The following HOOK1 variants were observed in gnomAD, a reference collection of about 807,000 sequenced individuals.
HOOK1 encodes protein Hook homolog 1.
Under a neutral mutation model 112.8 loss-of-function variants are expected in HOOK1, and 60 were observed. The ratio of observed to expected loss-of-function variants is 0.53; its 90% CI spans 0.43 to 0.66. The LOEUF is 0.66. HOOK1 is among the 30% of genes least tolerant of loss of function. The pLI is 0.00. For missense variants in HOOK1, 770 were observed against 856.0 expected (o/e 0.90, Z 1.25); for synonymous variants, 294 against 283.8 (o/e 1.04, Z -0.36).
At chr1:59,862,506 A>ATTT (rs1406859815) in intron 15 of HOOK1, among the ~76,000 whole-genome samples, 1 of 152,162 alleles carries the variant, frequency 6.6e-6, no homozygotes. Flanking sequence ...TCTACCAGTG[A>ATTT]GTGCGGTGTA....
chr1:59,873,073 C>A lies in HOOK1; in HGVS notation c.*108C>A. On this transcript the variant is annotated 3_prime_UTR_variant, in exon 22 of 22. Transcript: ENST00000371208. ...CCAGATTGAAAAAGAGTTTATGATGCGGGATATCAGGTATTTTAAAATCAA... is the reference window on the plus strand; with the variant it reads ...CCAGATTGAAAAAGAGTTTATGATGAGGGATATCAGGTATTTTAAAATCAA... The A allele has an allele frequency of 2.3e-6, 2 of 877,144 alleles. No individual in the cohort carries two copies. Among genetic ancestry groups the A allele is most frequent in the South Asian group, 4.6e-5 (1 of 21,828 alleles). The allele number at this position is 877,144 out of a possible 1,614,324, so 54.3% of individuals were successfully genotyped here.
At position 59,843,489 on chromosome 1, in the gene HOOK1, G is replaced by C. The variant is rs1012031598; in HGVS notation, c.679G>C (p.Glu227Gln). ...GGTTTCTGAAAATGAGATGATGAAT[G>C]AAAAACTTGACCAGTTGGATGGCTC... ...SLVSENEMMN[E>Q]KLDQLDGSFD... The change falls in exon 9 of 22, where the codon GAA (glutamate) becomes CAA (glutamine). Residue 227 changes from glutamate (E) to glutamine (Q), a missense_variant. By Grantham distance (29) the Glu-to-Gln change is conservative. Around this residue, in one of 3 missense-constraint regions of HOOK1, gnomAD observed 655 missense variants for 725.9 expected, o/e 0.90. Transcript: ENST00000371208. 2 of 1,610,676 alleles carry C rather than the reference G, an allele frequency of 1.2e-6. No individual in the cohort carries two copies. Among genetic ancestry groups the C allele is most frequent in the African/African-American group, 2.7e-5 (2 of 74,530 alleles).
rs555062740 is a variant in HOOK1 at position 59,858,091 on chromosome 1, A to G, written c.1243-337A>G. Among the ~76,000 whole-genome samples, 10 of 152,364 alleles carry G rather than the reference A, an allele frequency of 6.6e-5. 1 individual carries two copies. In the South Asian group the frequency reaches 1.0e-3, roughly 16 times the overall value. ...GCCAAAGAGTTATATAAGTTGCCTAAGACAATATAGCTAGGAAGTGGTGAA... is the reference window on the plus strand; with the variant it reads ...GCCAAAGAGTTATATAAGTTGCCTAGGACAATATAGCTAGGAAGTGGTGAA... On this transcript the variant is annotated intron_variant, in intron 12 of 21. Coordinates refer to ENST00000371208, the MANE Select transcript of HOOK1 (RefSeq NM_015888.6).
Position 59,872,843 on chromosome 1 carries a change from G to A in HOOK1, c.2065G>A (p.Gly689Ser), listed in dbSNP as rs1008809819. Residue 689 changes from glycine (G) to serine (S), a missense_variant, in exon 22 of 22, where the codon GGT becomes AGT. This residue lies in a region of HOOK1 where 111 missense variants were observed against 111.8 expected (regional missense o/e 0.99). Transcript: ENST00000371208. ...GATGGAATCTAGACTTGTGAGCGGC[G>A]GTGGTGCCTGCAGTGACACTGGTGC... Reference protein sequence around the residue: ...LGMESRLVSGGGACSDTGACT... With the variant: ...LGMESRLVSGSGACSDTGACT... 1.3e-5 allele frequency: 20 copies of A among 1,483,060 alleles called. No individual in the cohort carries two copies. The highest frequency in any genetic ancestry group is 5.1e-5 in the East Asian group (2 of 39,008). The allele number at this position is 1,483,060 out of a possible 1,614,324, so 91.9% of individuals were successfully genotyped here.
chr1:59,858,610 A>G (rs1046449974), intron 13 of HOOK1, 95 bp downstream of exon 13: 2 of 814,814 alleles, frequency 2.5e-6, no homozygotes, highest in African/African-American at 1.7e-5. Context: ...ATGGTGGCGC[A>G]TGCCTATAGT....
chr1:59,872,148 G>A (rs549160003), intron 21 of HOOK1, among the ~76,000 whole-genome samples: 2 of 152,324 alleles, frequency 1.3e-5, no homozygotes, highest in East Asian at 1.9e-4. Flanking sequence ...GTGATGCTAA[G>A]TTCAGTAAAA....
chr1:59,865,109 G>T, intron 17 of HOOK1, 54 bp from the exon 18 acceptor site: 1 of 1,090,192 alleles, frequency 9.2e-7, no homozygotes, highest in Non-Finnish European at 1.4e-6. Context: ...CTTGCCCAAG[G>T]TCCACAAATG....
chr1:59,846,764 T>A (rs1006031023), intron 9 of HOOK1, among the ~76,000 whole-genome samples: 4 of 151,496 alleles, frequency 2.6e-5, no homozygotes, highest in African/African-American at 9.7e-5. Flanking sequence ...TTTTCTTGAC[T>A]TGTGGGTTAT....
In HOOK1 at chr1:59,815,459, A is replaced by C. The variant is rs533341434; in HGVS notation, c.63+279A>C. On this transcript the variant is annotated intron_variant, in intron 1 of 21. Transcript: ENST00000371208. ...GAGGATTCGACCTGCCTGGTGCCCT[A>C]ACAGCTGGGATATGAACCAAGCACC... The C allele has an allele frequency of 6.0e-6, 3 of 500,796 alleles. No homozygotes were observed. In the East Asian group the frequency reaches 1.2e-4, roughly 19 times the overall value. 31.0% of individuals were successfully genotyped at this position (500,796 alleles called of 1,614,324 possible). A position where few individuals can be genotyped will look rare whatever the true frequency, so the allele number is the denominator to read the frequency against.
At chr1:59,857,263 G>A (rs867107606) in intron 12 of HOOK1, among the ~76,000 whole-genome samples, 2 of 151,378 alleles carry the variant, frequency 1.3e-5, no homozygotes, top group Non-Finnish European at 2.9e-5. Context: ...TGCCCATTCT[G>A]GTGGCTGCTA....
intron 7 of HOOK1, among the ~76,000 whole-genome samples, chr1:59,839,007 T>C (rs1372320265): frequency 1.3e-5 from 2 of 152,188 alleles, no homozygotes; most frequent in African/African-American, 4.8e-5. Context: ...CAGATGGTGG[T>C]AGATGTGTGG....
intron 6 of HOOK1, among the ~76,000 whole-genome samples, chr1:59,836,186 A>T (rs1005111759): frequency 6.6e-6 from 1 of 152,146 alleles, no homozygotes; most frequent in Non-Finnish European, 1.5e-5. Context: ...GGTAAGTTGG[A>T]TTAAAGCTAG....
intron 12 of HOOK1, among the ~76,000 whole-genome samples, chr1:59,855,102 A>C (rs1015054304): frequency 3.3e-5 from 5 of 152,242 alleles, no homozygotes; most frequent in African/African-American, 1.2e-4. Context: ...GAACTAAAGC[A>C]AACCTTTTAT....
intron 12 of HOOK1, among the ~76,000 whole-genome samples, chr1:59,854,866 A>T (rs973269923): frequency 1.3e-5 from 2 of 152,236 alleles, no homozygotes; most frequent in African/African-American, 4.8e-5. Flanking sequence ...CCAGATTTGA[A>T]ATATTATATT....
At chr1:59,818,391 A>AT (rs1055510698) in intron 1 of HOOK1, among the ~76,000 whole-genome samples, 3 of 152,204 alleles carry the variant, frequency 2.0e-5, no homozygotes, top group African/African-American at 7.2e-5. Flanking sequence ...TCTTGTGGCA[A>AT]TTTTTTAAAA....
intron 2 of HOOK1, among the ~76,000 whole-genome samples, chr1:59,825,435 T>C (rs1405783257): frequency 6.6e-6 from 1 of 152,218 alleles, no homozygotes; most frequent in African/African-American, 2.4e-5. Context: ...TTAAGAATCA[T>C]GCATTTATTT....
chr1:59,824,748 T>G (rs1281592527), intron 2 of HOOK1, among the ~76,000 whole-genome samples: 4 of 152,226 alleles, frequency 2.6e-5, no homozygotes, highest in African/African-American at 9.6e-5. Flanking sequence ...TTGCTAGGGT[T>G]CTACAGTTTC....
chr1:59,854,950 C>T (rs568066306), intron 12 of HOOK1, among the ~76,000 whole-genome samples: 14 of 152,144 alleles, frequency 9.2e-5, no homozygotes, highest in African/African-American at 2.4e-4. Flanking sequence ...GGTAAAACAA[C>T]GACAACAAGC....
Position 59,874,589 on chromosome 1 carries a change from C to G in HOOK1, c.*1624C>G, listed in dbSNP as rs1404401833. The G allele has an allele frequency of 3.3e-5, 5 of 152,146 alleles. No homozygotes were observed. The highest frequency in any genetic ancestry group is 3.3e-4 in the Admixed American group (5 of 15,278). The allele number at this position is 152,146 out of a possible 1,614,324, so 9.4% of individuals were successfully genotyped here. A position where few individuals can be genotyped will look rare whatever the true frequency, so the allele number is the denominator to read the frequency against. Reference sequence around the variant, plus strand: ...CTACATGATCTTTGTTGCAAGTACTCAACTCTGCCATTATAGAGTTAAAGC... The same window carrying G: ...CTACATGATCTTTGTTGCAAGTACTGAACTCTGCCATTATAGAGTTAAAGC... On this transcript the variant is annotated 3_prime_UTR_variant, in exon 22 of 22. Coordinates refer to ENST00000371208, the MANE Select transcript of HOOK1 (RefSeq NM_015888.6).
Sources: gnomAD v4.1 joint callset for allele counts (sites outside exome capture counted in the v4.1 genomes callset) on GRCh38, gnomAD v4.1.1 for gene constraint, gnomAD v4.1.1 regional missense constraint, MANE v1.5 for transcripts, NCBI Gene and HGNC (gene_info 2026-07-23, HGNC 2026-07-21) for gene names.